Variants in TTC19 observed in about 807,000 individuals in gnomAD.
The protein encoded by TTC19 is tetratricopeptide repeat domain 19, also known as tetratricopeptide repeat protein 19, mitochondrial.
In TTC19, 38 loss-of-function variants were observed where a neutral mutation model predicts 49.5. That is an observed-to-expected ratio of 0.77 (90% CI 0.59 to 1.01). The LOEUF is 1.01. Ranked by LOEUF, TTC19 falls within the 50% of genes least tolerant of loss-of-function variation. TTC19 has a pLI of 0.00. For synonymous variants in TTC19, 204 were observed against 185.2 expected, an observed-to-expected ratio of 1.10 and a Z score of -0.83; for missense variants, 475 against 477.7, an observed-to-expected ratio of 0.99 and a Z score of 0.05.
Position 16,036,647 on chromosome 17 carries a change from C to T in TTC19, c.248-7856C>T, listed in dbSNP as rs561833557. ...ACCTTGCACTTTTATGTTACAGAGA[C>T]GGCTTCTTCAACCTCTGAATGGCCT... On this transcript the variant is annotated intron_variant, in intron 2 of 2. Coordinates refer to the TTC19 transcript ENST00000470649. Among the ~76,000 whole-genome samples, 203 of 152,340 alleles carry T rather than the reference C, an allele frequency of 1.3e-3. 1 individual carries two copies. The highest frequency in any genetic ancestry group is 4.5e-3 in the African/African-American group (188 of 41,576).
At chr17:16,039,599 C>T (rs924081269) in intron 2 of TTC19, 2 of 1,614,134 alleles carry the variant, frequency 1.2e-6, no homozygotes, top group Middle Eastern at 1.6e-4. Context: ...TAATGTCTTC[C>T]AGCCCAAGAT....
At chr17:16,026,842 AAGG>A in intron 9 of TTC19, 140 bp downstream of exon 9, 1 of 904,262 alleles carries the variant, frequency 1.1e-6, no homozygotes, top group Non-Finnish European at 1.8e-6. Flanking sequence ...ATGGCAGAAA[AAGG>A]AGGTATTGAT....
intron 7 of TTC19, among the ~76,000 whole-genome samples, chr17:16,019,225 C>T (rs1180211041): frequency 2.6e-5 from 4 of 152,082 alleles, no homozygotes; most frequent in South Asian, 2.1e-4. Context: ...CCCCACTACT[C>T]GGGAGGCTGA....
Position 16,003,976 on chromosome 17 carries a change from G to A in TTC19, c.519+89G>A, listed in dbSNP as rs1437001536. The A allele has an allele frequency of 2.1e-6, 3 of 1,420,746 alleles. No homozygotes were observed. In the East Asian group the frequency reaches 6.9e-5, roughly 33 times the overall value. The allele number at this position is 1,420,746 out of a possible 1,614,324, so 88.0% of individuals were successfully genotyped here. Reference sequence around the variant, plus strand: ...AAAACTCCTCCTAGCCCCACCACATGCTTTGGTCAGGAAAGGTGGAGTTTC... The same window carrying A: ...AAAACTCCTCCTAGCCCCACCACATACTTTGGTCAGGAAAGGTGGAGTTTC... On this transcript the variant is annotated intron_variant, in intron 5 of 9. Coordinates refer to ENST00000261647, the MANE Select transcript of TTC19 (RefSeq NM_017775.4).
At chr17:16,009,273 G>T (rs1467090128) in intron 7 of TTC19, among the ~76,000 whole-genome samples, 1 of 152,212 alleles carries the variant, frequency 6.6e-6, no homozygotes, top group Admixed American at 6.5e-5. Flanking sequence ...TCTTAGGAGT[G>T]TAAAGCTATA....
chr17:16,036,789 T>A (rs946691162), intron 2 of TTC19, among the ~76,000 whole-genome samples: 1 of 151,442 alleles, frequency 6.6e-6, no homozygotes, highest in East Asian at 1.9e-4. Flanking sequence ...TTGTGGCTGG[T>A]TTGGTCTTCT....
chr17:16,032,000 T>C (rs1972092572), downstream of TTC19: 3 of 365,906 alleles, frequency 8.2e-6, no homozygotes, highest in Admixed American at 9.8e-5. Context: ...ATTATGGTTT[T>C]CTTTACAGAT....
rs545007956 is a variant in TTC19 at position 16,005,081 on chromosome 17, G to T, written c.581+819G>T. On this transcript the variant is annotated intron_variant, in intron 6 of 9. Transcript: ENST00000261647. Reference sequence around the variant, plus strand: ...AATCCCTAGGGTAAGAAGAAGCCCAGAGCCTAATAAACATTGTTGAGTAAG... The same window carrying T: ...AATCCCTAGGGTAAGAAGAAGCCCATAGCCTAATAAACATTGTTGAGTAAG... 4.6e-4 allele frequency among the ~76,000 whole-genome samples: 70 copies of T among 152,344 alleles called. 1 individual carries two copies. Among genetic ancestry groups the T allele is most frequent in the South Asian group, 3.5e-3 (17 of 4,830 alleles).
chr17:16,023,173 C>G (rs541438058), intron 7 of TTC19: 9 of 152,160 alleles, frequency 5.9e-5, no homozygotes, highest in African/African-American at 2.2e-4. Context: ...AAAGTGTTTC[C>G]ATTTTTCTTG....
chr17:16,004,802 G>A (rs754672798), intron 6 of TTC19, among the ~76,000 whole-genome samples: 1 of 152,212 alleles, frequency 6.6e-6, no homozygotes, highest in Non-Finnish European at 1.5e-5. Context: ...GCCTGATGCT[G>A]TAGAAAGGGT....
intron 7 of TTC19, among the ~76,000 whole-genome samples, chr17:16,018,597 C>T (rs1293344423): frequency 1.3e-5 from 2 of 152,138 alleles, no homozygotes; most frequent in Non-Finnish European, 2.9e-5. Context: ...GCCTCAACCT[C>T]CCAGGCTCAA....
At chr17:16,022,197 T>C (rs559052896) in intron 7 of TTC19, among the ~76,000 whole-genome samples, 8 of 152,346 alleles carry the variant, frequency 5.3e-5, no homozygotes, top group Non-Finnish European at 1.0e-4. Context: ...CAACTCAAGC[T>C]ACAACAAAAA....
intron 2 of TTC19, among the ~76,000 whole-genome samples, chr17:16,043,726 T>G (rs1236724441): frequency 1.3e-5 from 2 of 152,186 alleles, no homozygotes; most frequent in Non-Finnish European, 2.9e-5. Flanking sequence ...TGCTCTGAGA[T>G]CTCTAGCTCT....
intron 2 of TTC19, 102 bp downstream of exon 2, chr17:16,000,347 GATGGAGGCTCCGCGGGT>G: frequency 6.5e-7 from 1 of 1,538,144 alleles, no homozygotes; most frequent in Non-Finnish European, 8.7e-7. Flanking sequence ...CCGAAGAGTG[GATGGAGGCTCCGCGGGT>G]AAAATTGCCG....
intron 7 of TTC19, among the ~76,000 whole-genome samples, chr17:16,013,639 T>C (rs1294375279): frequency 6.6e-6 from 1 of 152,254 alleles, no homozygotes; most frequent in African/African-American, 2.4e-5. Context: ...TTTTCCATTC[T>C]GATGTATTTA....
chr17:16,011,498 G>C (rs16959521), intron 7 of TTC19, among the ~76,000 whole-genome samples: 24,809 of 152,216 alleles, frequency 0.16, 4,537 homozygotes, highest in African/African-American at 0.45. Flanking sequence ...CATCCTGTAA[G>C]TTTCATTTTA....
chr17:16,033,000 A>G (rs1289427680), downstream of TTC19, among the ~76,000 whole-genome samples: 1 of 152,304 alleles, frequency 6.6e-6, no homozygotes, highest in East Asian at 1.9e-4. Flanking sequence ...GCTACCCTTC[A>G]TCAGTTTCTA....
In TTC19 at chr17:16,029,278, T is replaced by C. The variant is rs777693196; in HGVS notation, c.*1756T>C. 1.3e-5 allele frequency: 6 copies of C among 453,016 alleles called. No homozygotes were observed. The highest frequency in any genetic ancestry group is 2.6e-5 in the Non-Finnish European group (6 of 226,538). The allele number at this position is 453,016 out of a possible 1,614,324, so 28.1% of individuals were successfully genotyped here. On this transcript the variant is annotated 3_prime_UTR_variant, in exon 10 of 10. Transcript: ENST00000261647. Reference sequence around the variant, plus strand: ...CAGTCTCTTCATGTGGGTGTTTTCATTACAGTTCATTTACACTGTTGTAAA... The same window carrying C: ...CAGTCTCTTCATGTGGGTGTTTTCACTACAGTTCATTTACACTGTTGTAAA...
chr17:16,001,975 C>T lies in TTC19; in HGVS notation c.373C>T (p.Leu125Phe). Residue 125 changes from leucine (L) to phenylalanine (F), a missense_variant, in exon 3 of 10, where the codon CTC becomes TTC. Leu to Phe is a conservative substitution (Grantham distance 22). Coordinates refer to ENST00000261647, the MANE Select transcript of TTC19 (RefSeq NM_017775.4). ...AELILHDALR[L>F]AYQTDNKKAI... ...GTTAATTTTGCATGACGCTCTTCGTCTCGCCTATCAGACTGATAACAAGAA... is the reference window on the plus strand; with the variant it reads ...GTTAATTTTGCATGACGCTCTTCGTTTCGCCTATCAGACTGATAACAAGAA... 6.2e-7 allele frequency: 1 copy of T among 1,613,424 alleles called. No individual in the cohort carries two copies. Among genetic ancestry groups the T allele is most frequent in the Non-Finnish European group, 8.5e-7 (1 of 1,180,004 alleles).
Sources: gnomAD v4.1 joint callset for allele counts (sites outside exome capture counted in the v4.1 genomes callset) on GRCh38, gnomAD v4.1.1 for gene constraint, MANE v1.5 for transcripts, NCBI Gene and HGNC (gene_info 2026-07-23, HGNC 2026-07-21) for gene names.